Variants in PTPRD observed in about 807,000 individuals in gnomAD.
PTPRD encodes receptor-type tyrosine-protein phosphatase delta.
A neutral mutation model predicts 214.5 loss-of-function variants in PTPRD; 34 were observed. The observed-to-expected ratio is 0.16, with a 90% CI of 0.12 to 0.21. The LOEUF (loss-of-function observed/expected upper bound fraction) is 0.21. Ranked by LOEUF, PTPRD falls within the 10% of genes least tolerant of loss-of-function variation. The probability of loss-of-function intolerance (pLI) is 1.00; values close to 1 mark genes in which losing one functional copy is unlikely to be tolerated. For missense variants in PTPRD, 2,545 were observed against 2,398.7 expected, an observed-to-expected ratio of 1.06 and a Z score of -1.27; for synonymous variants, 1,128 against 845.7, an observed-to-expected ratio of 1.33 and a Z score of -5.79.
At chr9:9,770,623 G>A (rs1037720389) in intron 5 of PTPRD, among the ~76,000 whole-genome samples, 1 of 151,950 alleles carries the variant, frequency 6.6e-6, no homozygotes, top group African/African-American at 2.4e-5. Flanking sequence ...ATAATACTCA[G>A]AGTACTTAAC....
rs33959310 is a variant in PTPRD at position 10,327,171 on chromosome 9, GTATATATA to G, written c.-545+13784_-545+13791del. Reference sequence around the variant, plus strand: ...TGCATTTGTGCACATATATGTGTGTGTATATATATATATATATATATATATATGATAGC... The same window carrying G: ...TGCATTTGTGCACATATATGTGTGTGTATATATATATATATATATGATAGC... On this transcript the variant is annotated intron_variant, in intron 3 of 45. Transcript: ENST00000381196. Among the ~76,000 whole-genome samples the G allele has an allele frequency of 1.7e-3, 247 of 142,900 alleles. 4 individuals carry two copies. The highest frequency in any genetic ancestry group is 0.012 in the South Asian group (54 of 4,600). The allele number at this position is 142,900 out of a possible 152,430, so 93.7% of individuals were successfully genotyped here.
intron 11 of PTPRD, among the ~76,000 whole-genome samples, chr9:8,795,357 G>A (rs1406934830): frequency 6.6e-6 from 1 of 152,018 alleles, no homozygotes; most frequent in African/African-American, 2.4e-5. Context: ...AGTAGAGACA[G>A]CGTTTCACCA....
intron 12 of PTPRD, among the ~76,000 whole-genome samples, chr9:8,651,757 G>C (rs1053445743): frequency 6.6e-6 from 1 of 152,060 alleles, no homozygotes; most frequent in Admixed American, 6.6e-5. Flanking sequence ...TTATGTTTTG[G>C]CCAATCTTTT....
At chr9:9,598,127 C>G (rs1439015365) in intron 7 of PTPRD, among the ~76,000 whole-genome samples, 1 of 151,922 alleles carries the variant, frequency 6.6e-6, no homozygotes, top group Non-Finnish European at 1.5e-5. Flanking sequence ...TCCTTCAAAA[C>G]CAAGAGACTC....
chr9:10,273,130 T>C (rs2094507450), intron 3 of PTPRD, among the ~76,000 whole-genome samples: 1 of 152,178 alleles, frequency 6.6e-6, no homozygotes, highest in Non-Finnish European at 1.5e-5. Context: ...GCAGATGATG[T>C]ACCTGTAATG....
At chr9:9,001,044 C>T (rs765110415) in intron 11 of PTPRD, among the ~76,000 whole-genome samples, 15 of 152,004 alleles carry the variant, frequency 9.9e-5, no homozygotes, top group African/African-American at 3.6e-4. Context: ...AGAGGACATA[C>T]CCTTTGCTAA....
intron 8 of PTPRD, among the ~76,000 whole-genome samples, chr9:9,429,164 TAAA>T (rs1355785474): frequency 6.6e-6 from 1 of 151,936 alleles, no homozygotes; most frequent in Non-Finnish European, 1.5e-5. Flanking sequence ...AGCAGACTAA[TAAA>T]GAAGAAAAGA....
intron 14 of PTPRD, among the ~76,000 whole-genome samples, chr9:8,532,739 C>A (rs1199894922): frequency 6.6e-6 from 1 of 151,916 alleles, no homozygotes; most frequent in Non-Finnish European, 1.5e-5. Context: ...TTTGAGAGGC[C>A]ATTAAAGGGC....
chr9:10,012,408 T>C (rs1176516709), intron 4 of PTPRD, among the ~76,000 whole-genome samples: 1 of 151,918 alleles, frequency 6.6e-6, no homozygotes, highest in Non-Finnish European at 1.5e-5. Context: ...ACTATCACAG[T>C]TGCAACTTTT....
At chr9:9,692,898 GATTA>G (rs1397286234) in intron 7 of PTPRD, among the ~76,000 whole-genome samples, 3 of 151,894 alleles carry the variant, frequency 2.0e-5, no homozygotes, top group African/African-American at 4.8e-5. Context: ...TTGTAAATGA[GATTA>G]ATTTTTATTT....
At chr9:10,059,164 A>C (rs1202622822) in intron 3 of PTPRD, among the ~76,000 whole-genome samples, 1 of 152,070 alleles carries the variant, frequency 6.6e-6, no homozygotes, top group East Asian at 1.9e-4. Flanking sequence ...TTCAAATTTA[A>C]GATTATTTTA....
At chr9:8,526,527 A>G in intron 17 of PTPRD, 100 bp downstream of exon 17, 2 of 1,051,258 alleles carry the variant, frequency 1.9e-6, no homozygotes, top group Non-Finnish European at 2.7e-6. Flanking sequence ...GTTGATGGAC[A>G]TTATTGGAAT....
chr9:8,779,040 C>G (rs906816415), intron 11 of PTPRD, among the ~76,000 whole-genome samples: 11 of 151,916 alleles, frequency 7.2e-5, no homozygotes, highest in Non-Finnish European at 1.3e-4. Flanking sequence ...ACGTAAAGCT[C>G]AAAGGGAAAA....
intron 9 of PTPRD, among the ~76,000 whole-genome samples, chr9:9,223,982 T>C (rs759523584): frequency 5.9e-5 from 9 of 152,048 alleles, no homozygotes; most frequent in Admixed American, 2.6e-4. Flanking sequence ...GAACTAAGTA[T>C]TGAATATAAC....
chr9:8,349,511 C>T (rs140534060), intron 39 of PTPRD, among the ~76,000 whole-genome samples: 35 of 152,208 alleles, frequency 2.3e-4, no homozygotes, highest in East Asian at 1.4e-3. Context: ...GTGATAATGA[C>T]GGAACCCTAT....
At chr9:9,662,650 G>A (rs1216659230) in intron 7 of PTPRD, among the ~76,000 whole-genome samples, 6 of 151,592 alleles carry the variant, frequency 4.0e-5, no homozygotes, top group African/African-American at 1.4e-4. Flanking sequence ...TAGGGGAAAT[G>A]TGCTCAGTAC....
chr9:8,802,445 C>T (rs111306570), intron 11 of PTPRD, among the ~76,000 whole-genome samples: 92 of 152,218 alleles, frequency 6.0e-4, no homozygotes, highest in African/African-American at 9.2e-4. Context: ...TCCTTAATGA[C>T]GCTCCCTGCC....
chr9:10,166,163 C>T (rs765958931), intron 3 of PTPRD, among the ~76,000 whole-genome samples: 3 of 146,942 alleles, frequency 2.0e-5, no homozygotes, highest in South Asian at 2.1e-4. Flanking sequence ...CCATAATATA[C>T]ATCTCTAATA....
intron 11 of PTPRD, among the ~76,000 whole-genome samples, chr9:8,871,342 G>C (rs13284598): frequency 0.073 from 11,101 of 152,164 alleles, 597 homozygotes; most frequent in Middle Eastern, 0.17. Flanking sequence ...ATTTATGTTA[G>C]CATCTGATCA....
Sources: gnomAD v4.1 joint callset for allele counts (sites outside exome capture counted in the v4.1 genomes callset) on GRCh38, gnomAD v4.1.1 for gene constraint, MANE v1.5 for transcripts, NCBI Gene and HGNC (gene_info 2026-07-23, HGNC 2026-07-21) for gene names.